PARVB: variants seen among roughly 807,000 people sequenced by gnomAD.
PARVB encodes parvin beta.
In PARVB, 46 loss-of-function variants were observed where a neutral mutation model predicts 47.0. The observed-to-expected ratio is 0.98, with a 90% CI of 0.77 to 1.25. PARVB has a LOEUF of 1.25. Ranked by LOEUF, PARVB falls within the 50% of genes most tolerant of loss-of-function variation. The pLI is 0.00. For missense variants in PARVB, 473 were observed against 471.6 expected (o/e 1.00, Z -0.03); for synonymous variants, 196 against 196.3 (o/e 1.00, Z 0.01).
intron 1 of PARVB, among the ~76,000 whole-genome samples, chr22:44,050,608 GA>G (rs2051191851): frequency 6.6e-6 from 1 of 152,094 alleles, no homozygotes; most frequent in Non-Finnish European, 1.5e-5. Flanking sequence ...AAAGTGCTGG[GA>G]CTACAGGTGT....
At chr22:44,168,398 C>T (rs1038712156) in intron 12 of PARVB, 13 of 546,230 alleles carry the variant, frequency 2.4e-5, no homozygotes, top group Middle Eastern at 1.0e-3. Flanking sequence ...GGTGTCAGCC[C>T]GCGCCAGGAG....
chr22:44,067,165 C>T (rs766683807), intron 1 of PARVB, among the ~76,000 whole-genome samples: 3 of 152,126 alleles, frequency 2.0e-5, no homozygotes, highest in Non-Finnish European at 4.4e-5. Flanking sequence ...CTGAAAATGG[C>T]GTGTCAGGAG....
intron 9 of PARVB, chr22:44,150,157 AAAACAAAACG>A (rs1187539764): frequency 7.5e-6 from 1 of 132,680 alleles, no homozygotes; most frequent in African/African-American, 3.0e-5. Context: ...ACTCCATCTC[AAAACAAAACG>A]AAACAAAACA....
chr22:44,096,364 C>T (rs2052307763), intron 2 of PARVB, among the ~76,000 whole-genome samples: 1 of 152,344 alleles, frequency 6.6e-6, no homozygotes, highest in African/African-American at 2.4e-5. Flanking sequence ...CACCACTGCA[C>T]TCTAGCCTGG....
intron 1 of PARVB, among the ~76,000 whole-genome samples, chr22:44,076,758 C>T (rs2051783253): frequency 6.6e-6 from 1 of 152,022 alleles, no homozygotes; most frequent in Admixed American, 6.5e-5. Flanking sequence ...TGCTGAGGGC[C>T]AGAAACATGC....
chr22:44,075,488 G>A (rs1232793527), intron 1 of PARVB, among the ~76,000 whole-genome samples: 1 of 152,190 alleles, frequency 6.6e-6, no homozygotes, highest in Non-Finnish European at 1.5e-5. Flanking sequence ...GGGTCACCCA[G>A]AGTCCACAGT....
intron 12 of PARVB, among the ~76,000 whole-genome samples, chr22:44,165,178 T>G (rs2054140473): frequency 6.6e-6 from 1 of 152,204 alleles, no homozygotes; most frequent in Admixed American, 6.5e-5. Context: ...TTTTCTTTTT[T>G]GTAGAGACAA....
At chr22:44,073,434 C>A (rs890390292) in intron 1 of PARVB, among the ~76,000 whole-genome samples, 6 of 152,168 alleles carry the variant, frequency 3.9e-5, no homozygotes, top group African/African-American at 1.2e-4. Context: ...GCAGAGGTTG[C>A]GGTGAGCGGA....
chr22:44,130,821 C>T (rs949025406), intron 4 of PARVB, among the ~76,000 whole-genome samples: 1 of 152,136 alleles, frequency 6.6e-6, no homozygotes. Flanking sequence ...AGAATGTTCC[C>T]GAGTATAACA....
At chr22:44,141,087 ATCTG>A (rs1462271639) in intron 8 of PARVB, 1 of 156,202 alleles carries the variant, frequency 6.4e-6, no homozygotes, top group Non-Finnish European at 1.4e-5. Context: ...CGGAGCTGAT[ATCTG>A]TCTTTTGGGG....
intron 2 of PARVB, among the ~76,000 whole-genome samples, chr22:44,016,287 G>T (rs182395816): frequency 3.1e-4 from 47 of 151,926 alleles, no homozygotes; most frequent in African/African-American, 1.1e-3. Flanking sequence ...TAGTAGAGAC[G>T]GGGTTTCACC....
Position 44,132,887 on chromosome 22 carries a change from C to T in PARVB, c.518-7C>T. On this transcript the variant is annotated splice_polypyrimidine_tract_variant and splice_region_variant and intron_variant, in intron 5 of 12. Transcript: ENST00000338758. ...TAAAGCGTCTCCCTTCCTCCTTCCT[C>T]CTGCAGCAATTCACGGGAAGAACCT... 2.5e-6 allele frequency: 4 copies of T among 1,604,636 alleles called. No individual in the cohort carries two copies. Among genetic ancestry groups the T allele is most frequent in the Non-Finnish European group, 2.6e-6 (3 of 1,171,392 alleles).
At chr22:44,067,542 G>C (rs977425520) in intron 1 of PARVB, among the ~76,000 whole-genome samples, 6 of 152,178 alleles carry the variant, frequency 3.9e-5, no homozygotes, top group African/African-American at 1.4e-4. Flanking sequence ...CTGGACACTG[G>C]GCAGATGGAA....
Position 44,110,099 on chromosome 22 carries a change from C to T in PARVB, c.274-8939C>T, listed in dbSNP as rs571290042. 10 of 106,244 alleles carry T rather than the reference C, an allele frequency of 9.4e-5. No individual in the cohort carries two copies. The East Asian group carries it at 1.4e-3, about 15-fold the overall frequency. 6.6% of individuals were successfully genotyped at this position (106,244 alleles called of 1,614,324 possible). ...CTGCACTCCAGCCTGGGCGACAGAG[C>T]GAGACTCCGTCTCAAAAAAAAAAAA... On this transcript the variant is annotated intron_variant, in intron 3 of 12. Transcript: ENST00000338758.
chr22:44,091,198 G>A (rs545014700), intron 1 of PARVB, among the ~76,000 whole-genome samples: 7 of 151,990 alleles, frequency 4.6e-5, no homozygotes, highest in Admixed American at 4.6e-4. Flanking sequence ...TAGGATGCTG[G>A]CTGTGGGTGG....
intron 2 of PARVB, among the ~76,000 whole-genome samples, chr22:44,095,079 G>C (rs889289536): frequency 8.2e-5 from 12 of 145,780 alleles, no homozygotes; most frequent in African/African-American, 3.0e-4. Flanking sequence ...TCTGGGCTCT[G>C]CGGCTCAGGC....
At chr22:44,116,832 AG>A (rs1385280197) in intron 3 of PARVB, among the ~76,000 whole-genome samples, 2 of 152,072 alleles carry the variant, frequency 1.3e-5, no homozygotes, top group South Asian at 2.1e-4. Flanking sequence ...TATCTGGGTT[AG>A]GGGAAGTGGC....
chr22:44,048,768 G>A (rs1442888914), intron 1 of PARVB, among the ~76,000 whole-genome samples: 2 of 152,064 alleles, frequency 1.3e-5, no homozygotes, highest in African/African-American at 4.8e-5. Flanking sequence ...CACCATGTTG[G>A]TCAGGCTGGT....
intron 3 of PARVB, chr22:44,104,099 C>G (rs8139543): frequency 6.6e-6 from 1 of 152,202 alleles, no homozygotes; most frequent in Non-Finnish European, 1.5e-5. Flanking sequence ...TGGGGCCAGG[C>G]AGGGTGGGTT....
Sources: gnomAD v4.1 joint callset for allele counts (sites outside exome capture counted in the v4.1 genomes callset) on GRCh38, gnomAD v4.1.1 for gene constraint, MANE v1.5 for transcripts, NCBI Gene and HGNC (gene_info 2026-07-23, HGNC 2026-07-21) for gene names.